PACRG: variants seen among roughly 807,000 people sequenced by gnomAD.
PACRG encodes parkin coregulated.
In PACRG, 29 loss-of-function variants were observed where a neutral mutation model predicts 29.7. The observed-to-expected ratio is 0.98, with a 90% CI of 0.73 to 1.33. The LOEUF is 1.33. Ranked by LOEUF, PACRG falls within the 40% of genes most tolerant of loss-of-function variation. The pLI, the probability that PACRG is intolerant of heterozygous loss-of-function variation, is 0.00. For missense variants in PACRG, 279 were observed against 316.2 expected (o/e 0.88, Z 0.89); for synonymous variants, 116 against 118.7 (o/e 0.98, Z 0.15).
chr6:163,281,957 CA>C (rs1784239706), intron 4 of PACRG, among the ~76,000 whole-genome samples: 1 of 151,874 alleles, frequency 6.6e-6, no homozygotes, highest in Non-Finnish European at 1.5e-5. Flanking sequence ...GCACAAGAAG[CA>C]GATCAAGTTT....
At position 163,157,243 on chromosome 6, in the gene PACRG, T is replaced by A. The variant is rs1279651549; in HGVS notation, c.613+67835T>A. Reference sequence around the variant, plus strand: ...CTACATTCAAGAAACCACTGGCATTTGCTCCGTAGCAGTGTGACTGCCTCT... The same window carrying A: ...CTACATTCAAGAAACCACTGGCATTAGCTCCGTAGCAGTGTGACTGCCTCT... On this transcript the variant is annotated intron_variant, in intron 4 of 4. Coordinates refer to ENST00000366888, the MANE Select transcript of PACRG (RefSeq NM_001080379.2). Among the ~76,000 whole-genome samples the A allele has an allele frequency of 2.0e-5, 3 of 152,346 alleles. No individual in the cohort carries two copies. The East Asian group carries it at 5.8e-4, about 29-fold the overall frequency.
chr6:163,171,362 G>A (rs932387453), intron 4 of PACRG, among the ~76,000 whole-genome samples: 1 of 152,292 alleles, frequency 6.6e-6, no homozygotes, highest in Middle Eastern at 3.4e-3. Flanking sequence ...AGTGCTGACT[G>A]GGCACCAGGC....
chr6:163,191,348 G>C (rs1780201617), intron 4 of PACRG, among the ~76,000 whole-genome samples: 1 of 152,032 alleles, frequency 6.6e-6, no homozygotes, highest in South Asian at 2.1e-4. Context: ...CCTCAGCTCA[G>C]TGTCAAGTTC....
intron 4 of PACRG, among the ~76,000 whole-genome samples, chr6:163,120,622 A>C (rs1349486841): frequency 6.6e-6 from 1 of 152,110 alleles, no homozygotes; most frequent in Non-Finnish European, 1.5e-5. Context: ...CAAGGCAGAA[A>C]TCTGCGTCTA....
chr6:162,738,221 T>C (rs546967877), intron 1 of PACRG, among the ~76,000 whole-genome samples: 71 of 152,320 alleles, frequency 4.7e-4, no homozygotes, highest in South Asian at 2.5e-3. Flanking sequence ...TATAGATAGA[T>C]GGATACAGAG....
intron 1 of PACRG, among the ~76,000 whole-genome samples, chr6:162,756,869 G>T (rs2128285997): frequency 6.6e-6 from 1 of 152,124 alleles, no homozygotes; most frequent in East Asian, 1.9e-4. Context: ...CTTATAAGAG[G>T]CCACTTTAAG....
chr6:162,851,066 T>A (rs898604875), intron 2 of PACRG, among the ~76,000 whole-genome samples: 3 of 152,228 alleles, frequency 2.0e-5, no homozygotes, highest in Admixed American at 2.0e-4. Context: ...TTTTCTGTGT[T>A]GACTGCGGCG....
chr6:162,824,192 G>A (rs1230259877), intron 2 of PACRG, among the ~76,000 whole-genome samples: 1 of 152,132 alleles, frequency 6.6e-6, no homozygotes, highest in African/African-American at 2.4e-5. Flanking sequence ...ATGGATGTAG[G>A]AAGGGTGAAT....
chr6:162,994,819 G>A (rs906242315), intron 2 of PACRG, among the ~76,000 whole-genome samples: 21 of 151,180 alleles, frequency 1.4e-4, no homozygotes, highest in African/African-American at 5.2e-4. Context: ...GAGGCGCTCT[G>A]CGTTTTAGAG....
intron 3 of PACRG, among the ~76,000 whole-genome samples, chr6:163,080,504 C>T (rs472429): frequency 0.3 from 45,601 of 151,928 alleles, 7,423 homozygotes; most frequent in East Asian, 0.57. Context: ...GATGACATGA[C>T]GCTTCAGGTT....
At chr6:163,086,949 A>C (rs574369212) in intron 3 of PACRG, among the ~76,000 whole-genome samples, 1 of 152,224 alleles carries the variant, frequency 6.6e-6, no homozygotes, top group East Asian at 2.0e-4. Context: ...GTATAAAAAC[A>C]CTTCTGAGCA....
chr6:163,157,762 G>T (rs1459397912), intron 4 of PACRG, among the ~76,000 whole-genome samples: 2 of 152,224 alleles, frequency 1.3e-5, no homozygotes, highest in African/African-American at 4.8e-5. Context: ...CGGCTTGGAA[G>T]ATTCTATCAT....
At chr6:163,235,083 C>T (rs902348496) in intron 4 of PACRG, among the ~76,000 whole-genome samples, 3 of 152,116 alleles carry the variant, frequency 2.0e-5, no homozygotes, top group Non-Finnish European at 4.4e-5. Context: ...TGTACAAGGG[C>T]CCTGAGGAGG....
chr6:162,976,933 A>G (rs563964093), intron 2 of PACRG, among the ~76,000 whole-genome samples: 1 of 152,266 alleles, frequency 6.6e-6, no homozygotes, highest in East Asian at 1.9e-4. Flanking sequence ...GGTTTTCTTT[A>G]TAGTATTGAT....
chr6:163,117,390 A>T (rs2128322831), intron 4 of PACRG, among the ~76,000 whole-genome samples: 1 of 152,272 alleles, frequency 6.6e-6, no homozygotes, highest in African/African-American at 2.4e-5. Context: ...AGCACTAAGG[A>T]GGCTGGTGGT....
chr6:163,222,606 G>A (rs1273976143), intron 4 of PACRG, among the ~76,000 whole-genome samples: 2 of 152,088 alleles, frequency 1.3e-5, no homozygotes, highest in Non-Finnish European at 2.9e-5. Flanking sequence ...GTGAACAAAA[G>A]CATTGCACGG....
chr6:163,040,006 A>G (rs897893380), intron 2 of PACRG, among the ~76,000 whole-genome samples: 19 of 152,348 alleles, frequency 1.2e-4, no homozygotes, highest in Admixed American at 9.8e-4. Context: ...TCTCCAGGAC[A>G]TGTCAGAGAT....
At chr6:163,004,782 G>A (rs1804914331) in intron 2 of PACRG, among the ~76,000 whole-genome samples, 1 of 143,496 alleles carries the variant, frequency 7.0e-6, no homozygotes, top group African/African-American at 2.9e-5. Flanking sequence ...TCTATGTATG[G>A]GATTTAAACT....
At chr6:163,091,666 T>C (rs1437306589) in intron 4 of PACRG, among the ~76,000 whole-genome samples, 1 of 152,214 alleles carries the variant, frequency 6.6e-6, no homozygotes, top group African/African-American at 2.4e-5. Flanking sequence ...AATTGGAGCA[T>C]TCTAGCTATA....
Sources: gnomAD v4.1 joint callset for allele counts (sites outside exome capture counted in the v4.1 genomes callset) on GRCh38, gnomAD v4.1.1 for gene constraint, MANE v1.5 for transcripts, NCBI Gene and HGNC (gene_info 2026-07-23, HGNC 2026-07-21) for gene names.